The following PIK3C3 variants were observed in gnomAD, a reference collection of about 807,000 sequenced individuals.
The protein encoded by PIK3C3 is PI3-kinase type 3.
Under a neutral mutation model 126.1 loss-of-function variants are expected in PIK3C3, and 95 were observed. The ratio of observed to expected loss-of-function variants is 0.75; its 90% CI spans 0.64 to 0.89. The LOEUF (loss-of-function observed/expected upper bound fraction) is 0.89. Ranked by LOEUF, PIK3C3 falls within the 40% of genes least tolerant of loss-of-function variation. The pLI, the probability that PIK3C3 is intolerant of heterozygous loss-of-function variation, is 0.00. For synonymous variants in PIK3C3, 374 were observed against 360.0 expected, an observed-to-expected ratio of 1.04 and a Z score of -0.44; for missense variants, 829 against 1,063.2, an observed-to-expected ratio of 0.78 and a Z score of 3.06.
At chr18:42,076,891 C>A (rs1986054145) in intron 24 of PIK3C3, among the ~76,000 whole-genome samples, 1 of 152,138 alleles carries the variant, frequency 6.6e-6, no homozygotes, top group Non-Finnish European at 1.5e-5. Context: ...TCTGTCAAAA[C>A]CTTTTATAAA....
At chr18:41,965,632 A>C (rs1296790371) in intron 3 of PIK3C3, among the ~76,000 whole-genome samples, 1 of 152,216 alleles carries the variant, frequency 6.6e-6, no homozygotes, top group Non-Finnish European at 1.5e-5. Context: ...AAGGGAGCCT[A>C]TGAACCACAT....
chr18:42,078,406 AAAAT>A (rs1344439912), intron 24 of PIK3C3, among the ~76,000 whole-genome samples: 94 of 146,290 alleles, frequency 6.4e-4, no homozygotes, highest in Non-Finnish European at 1.3e-3. Flanking sequence ...AAAAAAAAAA[AAAAT>A]TTTCAGTAAA....
Position 42,081,144 on chromosome 18 carries a change from G to A in PIK3C3, c.*7G>A, listed in dbSNP as rs1308727197. On this transcript the variant is annotated 3_prime_UTR_variant, in exon 25 of 25. Transcript: ENST00000262039. ...GTAGTACTGGAGAAAATGAAACTGG[G>A]ATTGACCCATCAAGATGCTTGGCTC... 1.3e-6 allele frequency: 2 copies of A among 1,573,506 alleles called. No individual in the cohort carries two copies. The highest frequency in any genetic ancestry group is 8.7e-7 in the Non-Finnish European group (1 of 1,149,034).
At chr18:42,040,057 C>G (rs895036968) in intron 18 of PIK3C3, among the ~76,000 whole-genome samples, 2 of 146,168 alleles carry the variant, frequency 1.4e-5, no homozygotes, top group Non-Finnish European at 3.0e-5. Flanking sequence ...CTTCATCCAA[C>G]TTTTTTTTTT....
At chr18:42,046,012 A>G (rs2144484535) in intron 20 of PIK3C3, among the ~76,000 whole-genome samples, 1 of 152,304 alleles carries the variant, frequency 6.6e-6, no homozygotes, top group Middle Eastern at 3.4e-3. Context: ...TTAATGTCGT[A>G]CCATTGTGTC....
chr18:42,012,855 ATGTC>A (rs1221848259), intron 10 of PIK3C3, among the ~76,000 whole-genome samples: 1 of 152,170 alleles, frequency 6.6e-6, no homozygotes, highest in African/African-American at 2.4e-5. Flanking sequence ...AACTGTTTAA[ATGTC>A]TGTTTTACAG....
intron 5 of PIK3C3, among the ~76,000 whole-genome samples, chr18:41,989,052 TA>T (rs1302020061): frequency 6.6e-6 from 1 of 152,126 alleles, no homozygotes; most frequent in Non-Finnish European, 1.5e-5. Context: ...AGAATTTAAG[TA>T]ACCTCTTCAG....
chr18:41,993,141 A>T (rs145543292), intron 6 of PIK3C3, 129 bp from the exon 7 acceptor site: 7 of 537,422 alleles, frequency 1.3e-5, no homozygotes, highest in African/African-American at 1.1e-4. Context: ...TTAGAAGAAG[A>T]TAAGGATTTC....
intron 9 of PIK3C3, among the ~76,000 whole-genome samples, chr18:42,002,664 CTT>C (rs910719141): frequency 3.3e-5 from 5 of 152,126 alleles, no homozygotes; most frequent in African/African-American, 1.2e-4. Context: ...TATTGGGTCT[CTT>C]TTTGGCATTC....
intron 21 of PIK3C3, among the ~76,000 whole-genome samples, chr18:42,056,498 G>C (rs1419973166): frequency 6.6e-6 from 1 of 152,228 alleles, no homozygotes; most frequent in East Asian, 1.9e-4. Context: ...AGATTGACCG[G>C]ATTGGTCATC....
At chr18:41,966,175 TCC>T in intron 3 of PIK3C3, among the ~76,000 whole-genome samples, 1 of 144,820 alleles carries the variant, frequency 6.9e-6, no homozygotes, top group South Asian at 2.1e-4. Context: ...AGTATATTGT[TCC>T]TTTTTTTTTT....
intron 4 of PIK3C3, among the ~76,000 whole-genome samples, chr18:41,976,424 A>T (rs770555461): frequency 6.6e-6 from 1 of 152,156 alleles, no homozygotes; most frequent in Non-Finnish European, 1.5e-5. Flanking sequence ...TGTTATTATG[A>T]CTAATAATAG....
intron 10 of PIK3C3, 55 bp from the exon 11 acceptor site, chr18:42,013,387 T>C: frequency 2.1e-6 from 2 of 963,628 alleles, no homozygotes; most frequent in Non-Finnish European, 3.1e-6. Flanking sequence ...AAATTATGTC[T>C]GTAATAATTT....
chr18:41,975,288 G>A (rs1166108511), intron 4 of PIK3C3, among the ~76,000 whole-genome samples: 1 of 152,196 alleles, frequency 6.6e-6, no homozygotes, highest in Non-Finnish European at 1.5e-5. Flanking sequence ...GAGCTGCAGT[G>A]TCTAATATCA....
intron 12 of PIK3C3, among the ~76,000 whole-genome samples, chr18:42,017,553 A>T (rs1983130329): frequency 6.6e-6 from 1 of 152,112 alleles, no homozygotes; most frequent in Admixed American, 6.6e-5. Context: ...ATTCCCCTGT[A>T]TGATGGTAGA....
intron 4 of PIK3C3, among the ~76,000 whole-genome samples, chr18:41,986,347 T>G (rs1182568506): frequency 6.6e-6 from 1 of 152,130 alleles, no homozygotes; most frequent in Non-Finnish European, 1.5e-5. Flanking sequence ...GGATGTAAAA[T>G]GACCTTTTAC....
At chr18:42,032,192 C>T (rs1291988066) in intron 15 of PIK3C3, among the ~76,000 whole-genome samples, 2 of 152,170 alleles carry the variant, frequency 1.3e-5, no homozygotes, top group Non-Finnish European at 2.9e-5. Context: ...AATAGCAGTG[C>T]ACAGCCCCGG....
At chr18:42,060,404 A>G (rs1985263131) in intron 22 of PIK3C3, among the ~76,000 whole-genome samples, 1 of 152,182 alleles carries the variant, frequency 6.6e-6, no homozygotes, top group Non-Finnish European at 1.5e-5. Flanking sequence ...GCCAAACACC[A>G]TTCTTAGACA....
At chr18:42,065,192 A>G (rs186416426) in intron 23 of PIK3C3, among the ~76,000 whole-genome samples, 16 of 152,302 alleles carry the variant, frequency 1.1e-4, no homozygotes, top group East Asian at 3.9e-4. Flanking sequence ...TGGAATGTCT[A>G]TTATCTCTCT....
Sources: gnomAD v4.1 joint callset for allele counts (sites outside exome capture counted in the v4.1 genomes callset) on GRCh38, gnomAD v4.1.1 for gene constraint, MANE v1.5 for transcripts, NCBI Gene and HGNC (gene_info 2026-07-23, HGNC 2026-07-21) for gene names.